The following DLG1 variants were observed in gnomAD, a reference collection of about 807,000 sequenced individuals.
The protein encoded by DLG1 is disks large homolog 1.
A neutral mutation model predicts 123.4 loss-of-function variants in DLG1; 42 were observed. The ratio of observed to expected loss-of-function variants is 0.34; its 90% CI spans 0.27 to 0.44. DLG1 has a LOEUF of 0.44. DLG1 is among the 20% of genes least tolerant of loss of function. The pLI is 1.00. For missense variants in DLG1, 942 were observed against 1,082.6 expected, an observed-to-expected ratio of 0.87 and a Z score of 1.82; for synonymous variants, 317 against 356.2, an observed-to-expected ratio of 0.89 and a Z score of 1.24.
intron 4 of DLG1, among the ~76,000 whole-genome samples, chr3:197,219,163 A>G (rs1259596745): frequency 6.6e-6 from 1 of 151,894 alleles, no homozygotes; most frequent in African/African-American, 2.4e-5. Context: ...AGAAATTAAA[A>G]CTCAGATTAC....
At chr3:197,289,379 C>G (rs1273088240) in intron 3 of DLG1, among the ~76,000 whole-genome samples, 1 of 141,754 alleles carries the variant, frequency 7.1e-6, no homozygotes, top group Non-Finnish European at 1.6e-5. Flanking sequence ...AATAACATTC[C>G]AGGATATTCA....
chr3:197,236,998 C>CA (rs1746309505), intron 4 of DLG1, among the ~76,000 whole-genome samples: 1 of 151,700 alleles, frequency 6.6e-6, no homozygotes, highest in Non-Finnish European at 1.5e-5. Context: ...TTTAAGAGTG[C>CA]AAAAAACAAA....
rs116331728 is a variant in DLG1 at position 197,263,412 on chromosome 3, A to C, written c.318+19267T>G. On this transcript the variant is annotated intron_variant, in intron 4 of 24. Transcript: ENST00000667157. The stretch of plus-strand genomic sequence containing the variant: ...AAATAAAAAAACTCAATGACTCCTA[A>C]GAGTCCTTGAATTTATACCATGCCT... Among the ~76,000 whole-genome samples the C allele has an allele frequency of 5.3e-3, 806 of 152,272 alleles. 6 individuals are homozygous for C. The highest frequency in any genetic ancestry group is 0.017 in the African/African-American group (716 of 41,542).
chr3:197,142,665 A>T, intron 7 of DLG1, 53 bp downstream of exon 7: 1 of 1,305,224 alleles, frequency 7.7e-7, no homozygotes, highest in East Asian at 2.4e-5. Flanking sequence ...TGTATGAAAA[A>T]GCAGTATATT....
chr3:197,174,594 AT>A (rs1422304188), intron 5 of DLG1, among the ~76,000 whole-genome samples: 2 of 152,138 alleles, frequency 1.3e-5, no homozygotes, highest in Non-Finnish European at 2.9e-5. Context: ...AAAGCAATTA[AT>A]TCTTAATATT....
chr3:197,297,165 A>G, intron 2 of DLG1, 21 bp downstream of exon 2: 1 of 1,614,038 alleles, frequency 6.2e-7, no homozygotes, highest in Non-Finnish European at 8.5e-7. Context: ...TCGACAACAG[A>G]GTTACGGAAT....
At chr3:197,290,339 T>C (rs1774209439) in intron 3 of DLG1, among the ~76,000 whole-genome samples, 1 of 152,188 alleles carries the variant, frequency 6.6e-6, no homozygotes, top group South Asian at 2.1e-4. Context: ...GGATGCTAAA[T>C]ATGGGTGGAA....
At chr3:197,132,374 T>C (rs982643984) in intron 10 of DLG1, among the ~76,000 whole-genome samples, 6 of 152,188 alleles carry the variant, frequency 3.9e-5, no homozygotes, top group Non-Finnish European at 7.3e-5. Flanking sequence ...AACTTTAATA[T>C]ATTTTTCACT....
chr3:197,079,278 A>ATGTG (rs1749352409), intron 17 of DLG1, among the ~76,000 whole-genome samples: 5 of 152,336 alleles, frequency 3.3e-5, no homozygotes, highest in Admixed American at 3.3e-4. Context: ...CATGTATTTC[A>ATGTG]AAATAGCCAA....
chr3:197,138,521 G>C (rs1786242610), intron 8 of DLG1, 130 bp from the exon 9 acceptor site: 2 of 361,058 alleles, frequency 5.5e-6, no homozygotes, highest in African/African-American at 2.1e-5. Context: ...AGTAATTCCA[G>C]AAAACATAAA....
chr3:197,298,325 A>C (rs1329628446), intron 1 of DLG1: 1 of 393,814 alleles, frequency 2.5e-6, no homozygotes, highest in East Asian at 3.6e-5. Flanking sequence ...CTTCGCTTAA[A>C]AGGGCGGCCG....
At chr3:197,048,195 G>A (rs1560293854) in intron 24 of DLG1, among the ~76,000 whole-genome samples, 1 of 152,208 alleles carries the variant, frequency 6.6e-6, no homozygotes, top group Non-Finnish European at 1.5e-5. Context: ...ATGAGGCTGG[G>A]TGCAGTGGCT....
At chr3:197,268,393 TA>T (rs1762557614) in intron 4 of DLG1, among the ~76,000 whole-genome samples, 1 of 152,174 alleles carries the variant, frequency 6.6e-6, no homozygotes, top group Non-Finnish European at 1.5e-5. Context: ...TTTTTTGGCA[TA>T]ATATGACAGT....
intron 11 of DLG1, among the ~76,000 whole-genome samples, chr3:197,122,556 A>G (rs1332973494): frequency 6.6e-6 from 1 of 152,152 alleles, no homozygotes; most frequent in Admixed American, 6.5e-5. Flanking sequence ...GACGATCTGA[A>G]AGACCTATAA....
chr3:197,120,446 A>G (rs1358375595), intron 11 of DLG1, among the ~76,000 whole-genome samples: 1 of 152,208 alleles, frequency 6.6e-6, no homozygotes, highest in East Asian at 1.9e-4. Flanking sequence ...GCTTACAAAG[A>G]CATAAGACAC....
At chr3:197,286,894 C>CTT (rs71795718) in intron 3 of DLG1, among the ~76,000 whole-genome samples, 10 of 143,576 alleles carry the variant, frequency 7.0e-5, no homozygotes, top group African/African-American at 1.3e-4. Context: ...GAGCTCAGGC[C>CTT]TTTTTTTTTT....
At chr3:197,100,951 C>T (rs935523739) in intron 14 of DLG1, among the ~76,000 whole-genome samples, 2 of 152,106 alleles carry the variant, frequency 1.3e-5, no homozygotes, top group South Asian at 2.1e-4. Context: ...AAGAAATGTA[C>T]GTTTTTCTAA....
At chr3:197,194,377 C>A in intron 5 of DLG1, 48 bp downstream of exon 5, 2 of 1,317,434 alleles carry the variant, frequency 1.5e-6, no homozygotes, top group South Asian at 1.7e-5. Context: ...ATATGTATAA[C>A]AAAAGTAATA....
chr3:197,058,936 T>TA (rs1733840398), intron 23 of DLG1, among the ~76,000 whole-genome samples: 1 of 152,192 alleles, frequency 6.6e-6, no homozygotes, highest in African/African-American at 2.4e-5. Context: ...TCACTCTTTT[T>TA]AGTTTTTTGA....
Sources: gnomAD v4.1 joint callset for allele counts (sites outside exome capture counted in the v4.1 genomes callset) on GRCh38, gnomAD v4.1.1 for gene constraint, MANE v1.5 for transcripts, NCBI Gene and HGNC (gene_info 2026-07-23, HGNC 2026-07-21) for gene names.